The following CEP83 variants were observed in gnomAD, a reference collection of about 807,000 sequenced individuals.
CEP83 encodes centrosomal protein 83.
In CEP83, 70 loss-of-function variants were observed where a neutral mutation model predicts 101.9. The ratio of observed to expected loss-of-function variants is 0.69; its 90% CI spans 0.57 to 0.84. The LOEUF (loss-of-function observed/expected upper bound fraction) is 0.84. CEP83 is among the 40% of genes least tolerant of loss of function. The pLI, the probability that CEP83 is intolerant of heterozygous loss-of-function variation, is 0.00. For synonymous variants in CEP83, 264 were observed against 267.9 expected (o/e 0.99, Z 0.14); for missense variants, 715 against 787.2 (o/e 0.91, Z 1.10).
chr12:94,317,728 T>C (rs1313294411), intron 14 of CEP83, among the ~76,000 whole-genome samples: 1 of 152,176 alleles, frequency 6.6e-6, no homozygotes, highest in Non-Finnish European at 1.5e-5. Flanking sequence ...TGATTGTAGC[T>C]GTGAGGCCTT....
At chr12:94,287,900 C>T in the CEP83 span, among the ~76,000 whole-genome samples, 1 of 152,224 alleles carries the variant, frequency 6.6e-6, no homozygotes. Flanking sequence ...GTCTTCTTTA[C>T]CGCTCCATGA....
At chr12:94,448,022 T>C (rs2066936245) in intron 1 of CEP83, among the ~76,000 whole-genome samples, 1 of 152,146 alleles carries the variant, frequency 6.6e-6, no homozygotes, top group Non-Finnish European at 1.5e-5. Context: ...GGGGGGATTA[T>C]ATTACAATGG....
At chr12:94,351,199 T>C (rs980103871) in intron 11 of CEP83, among the ~76,000 whole-genome samples, 5 of 152,122 alleles carry the variant, frequency 3.3e-5, no homozygotes, top group African/African-American at 9.7e-5. Flanking sequence ...AAATGGTAGG[T>C]AGGAGTTCCT....
At chr12:94,352,257 A>G (rs1330513695) in intron 11 of CEP83, among the ~76,000 whole-genome samples, 1 of 152,050 alleles carries the variant, frequency 6.6e-6, no homozygotes, top group Non-Finnish European at 1.5e-5. Context: ...CGTCTCTACT[A>G]AAAATACAAA....
intron 11 of CEP83, among the ~76,000 whole-genome samples, chr12:94,360,132 A>G (rs1018911938): frequency 6.6e-6 from 1 of 152,226 alleles, no homozygotes; most frequent in African/African-American, 2.4e-5. Flanking sequence ...ACCTCAATAC[A>G]ATGAATACCA....
At chr12:94,361,276 G>T (rs1418454313) in intron 11 of CEP83, 1 of 152,168 alleles carries the variant, frequency 6.6e-6, no homozygotes, top group African/African-American at 2.4e-5. Context: ...TGAGGCAAGA[G>T]GATCACCTGA....
Position 94,344,575 on chromosome 12 carries a change from T to G in CEP83, c.1344-8911A>C, listed in dbSNP as rs148555868. 8.0e-4 allele frequency among the ~76,000 whole-genome samples: 121 copies of G among 152,054 alleles called. 1 individual carries two copies. The East Asian group carries it at 0.022, about 28-fold the overall frequency. On this transcript the variant is annotated intron_variant, in intron 11 of 16. Coordinates refer to ENST00000397809, the MANE Select transcript of CEP83 (RefSeq NM_016122.3). The stretch of plus-strand genomic sequence containing the variant: ...CTATATGCAACGAACAATTAAGAAG[T>G]CAAATGAACTCCATTTATACCATAT...
chr12:94,307,066 T>C (rs1386932466), downstream of CEP83: 1 of 152,186 alleles, frequency 6.6e-6, no homozygotes, highest in Non-Finnish European at 1.5e-5. Context: ...TTTAGGGTAC[T>C]GAAAACTCAA....
chr12:94,346,441 C>A (rs1440688248), intron 11 of CEP83, among the ~76,000 whole-genome samples: 1 of 144,102 alleles, frequency 6.9e-6, no homozygotes, highest in Non-Finnish European at 1.5e-5. Context: ...GAGCGAGACG[C>A]CGTCTCAAAA....
chr12:94,311,566 C>T (rs1969869056), intron 15 of CEP83, among the ~76,000 whole-genome samples: 1 of 152,094 alleles, frequency 6.6e-6, no homozygotes, highest in African/African-American at 2.4e-5. Flanking sequence ...ACACCTAGCT[C>T]GTGTCCACTG....
intron 4 of CEP83, among the ~76,000 whole-genome samples, chr12:94,410,340 A>G (rs1411024199): frequency 6.6e-6 from 1 of 152,244 alleles, no homozygotes; most frequent in East Asian, 1.9e-4. Context: ...AACTCTTGTT[A>G]AGCAGAAACT....
chr12:94,383,616 C>A (rs892283587), intron 6 of CEP83, among the ~76,000 whole-genome samples: 5 of 152,068 alleles, frequency 3.3e-5, no homozygotes, highest in Non-Finnish European at 5.9e-5. Flanking sequence ...TATTTTAATT[C>A]ATGTATTCAG....
chr12:94,429,265 G>T (rs770703707), intron 2 of CEP83, among the ~76,000 whole-genome samples: 1 of 152,138 alleles, frequency 6.6e-6, no homozygotes. Flanking sequence ...GTAAATGAGA[G>T]ATGCCCAGGG....
chr12:94,449,361 C>T (rs1052041867), intron 1 of CEP83, among the ~76,000 whole-genome samples: 1 of 152,118 alleles, frequency 6.6e-6, no homozygotes, highest in African/African-American at 2.4e-5. Context: ...GCAGTAAGAG[C>T]AAGATCACGA....
rs535675673 is a variant in CEP83 at position 94,341,129 on chromosome 12, C to T, written c.1344-5465G>A. Among the ~76,000 whole-genome samples, 24 of 152,032 alleles carry T rather than the reference C, an allele frequency of 1.6e-4. No individual in the cohort carries two copies. In the South Asian group the frequency reaches 4.4e-3, roughly 28 times the overall value. ...ATTTGCAAATTGAATAAATGTGCAGCGGAGCAGCCTTTTGAAATACAGTAC... is the reference window on the plus strand; with the variant it reads ...ATTTGCAAATTGAATAAATGTGCAGTGGAGCAGCCTTTTGAAATACAGTAC... On this transcript the variant is annotated intron_variant, in intron 11 of 16. Coordinates refer to ENST00000397809, the MANE Select transcript of CEP83 (RefSeq NM_016122.3).
At chr12:94,283,731 G>A in the CEP83 span, among the ~76,000 whole-genome samples, 1 of 152,096 alleles carries the variant, frequency 6.6e-6, no homozygotes, top group African/African-American at 2.4e-5. Context: ...CCTGGGGTGG[G>A]GGCCACAAGA....
intron 2 of CEP83, among the ~76,000 whole-genome samples, chr12:94,433,772 A>G (rs993779427): frequency 1.3e-5 from 2 of 152,152 alleles, no homozygotes; most frequent in Non-Finnish European, 2.9e-5. Flanking sequence ...CCCCAGCAAA[A>G]AGTATTTTAA....
rs529782793 is a variant in CEP83 at position 94,397,511 on chromosome 12, A to G, written c.549+3339T>C. Among the ~76,000 whole-genome samples the G allele has an allele frequency of 2.0e-3, 302 of 151,346 alleles. 1 individual carries two copies. Among genetic ancestry groups the G allele is most frequent in the African/African-American group, 7.0e-3 (290 of 41,458 alleles). Reference sequence around the variant, plus strand: ...AGACTCCATCTCAAAAATAATAATAATAATAATGATAAATTAATGACTATA... The same window carrying G: ...AGACTCCATCTCAAAAATAATAATAGTAATAATGATAAATTAATGACTATA... On this transcript the variant is annotated intron_variant, in intron 6 of 16. Transcript: ENST00000397809.
intron 11 of CEP83, among the ~76,000 whole-genome samples, chr12:94,350,553 G>A (rs529266604): frequency 4.7e-4 from 72 of 152,194 alleles, no homozygotes; most frequent in African/African-American, 1.7e-3. Flanking sequence ...AAGGCTTCAT[G>A]GAATTTGATT....
Sources: allele counts gnomAD v4.1 joint callset (sites outside exome capture counted in the v4.1 genomes callset), GRCh38; gene constraint gnomAD v4.1.1; transcripts MANE v1.5; gene names NCBI Gene and HGNC (gene_info 2026-07-23, HGNC 2026-07-21).